The following CPHXL2 variants were observed in gnomAD, a reference collection of about 807,000 sequenced individuals.
The protein encoded by CPHXL2 is cytoplasmic polyadenylated homeobox-like protein 2.
the CPHXL2 span, among the ~76,000 whole-genome samples, chr16:75,663,427 C>T: frequency 1.1e-4 from 16 of 152,126 alleles, no homozygotes; most frequent in Non-Finnish European, 2.2e-4. Flanking sequence ...AATTCTAAGG[C>T]CCCCTAACCA....
chr16:75,665,098 G>T, the CPHXL2 span, among the ~76,000 whole-genome samples: 3 of 152,178 alleles, frequency 2.0e-5, no homozygotes, highest in African/African-American at 7.2e-5. Context: ...ACCAAAAAAA[G>T]CAAGTGCCTG....
At chr16:75,664,306 C>T in the CPHXL2 span, among the ~76,000 whole-genome samples, 1 of 152,308 alleles carries the variant, frequency 6.6e-6, no homozygotes, top group East Asian at 1.9e-4. Context: ...TGATTAAGAT[C>T]TGTCTCAGAT....
chr16:75,670,598 T>A, the CPHXL2 span, among the ~76,000 whole-genome samples: 547 of 152,288 alleles, frequency 3.6e-3, 2 homozygotes, highest in African/African-American at 0.012. Flanking sequence ...AACGTCCACC[T>A]CCTGGGTTCA....
At chr16:75,670,139 C>G in the CPHXL2 span, among the ~76,000 whole-genome samples, 20 of 152,296 alleles carry the variant, frequency 1.3e-4, no homozygotes, top group African/African-American at 4.3e-4. Context: ...TGGTCTTGAA[C>G]TCCTGACCTT....
the CPHXL2 span, among the ~76,000 whole-genome samples, chr16:75,662,421 G>T: frequency 1.3e-5 from 2 of 149,292 alleles, no homozygotes; most frequent in Admixed American, 6.8e-5. Flanking sequence ...TTAACCATCA[G>T]CGCCTTCCCC....
At chr16:75,667,012 T>TA in the CPHXL2 span, among the ~76,000 whole-genome samples, 66 of 140,734 alleles carry the variant, frequency 4.7e-4, no homozygotes, top group African/African-American at 6.6e-4. Flanking sequence ...AGATGGAAGT[T>TA]AAAAAATTCT....
the CPHXL2 span, among the ~76,000 whole-genome samples, chr16:75,671,934 G>C: frequency 6.6e-6 from 1 of 151,974 alleles, no homozygotes; most frequent in African/African-American, 2.4e-5. Context: ...CAAAGATGTG[G>C]CTAGAATGGG....
At chr16:75,676,399 T>A in the CPHXL2 span, among the ~76,000 whole-genome samples, 1 of 152,192 alleles carries the variant, frequency 6.6e-6, no homozygotes, top group African/African-American at 2.4e-5. Flanking sequence ...TCATAGCTTA[T>A]GGCAGTTTCT....
chr16:75,666,348 G>C, the CPHXL2 span, among the ~76,000 whole-genome samples: 1 of 152,080 alleles, frequency 6.6e-6, no homozygotes, highest in African/African-American at 2.4e-5. Context: ...ATGGCTGGGC[G>C]TGGTGGCTCA....
chr16:75,672,206 G>A, the CPHXL2 span, among the ~76,000 whole-genome samples: 3 of 151,760 alleles, frequency 2.0e-5, no homozygotes, highest in Non-Finnish European at 4.4e-5. Flanking sequence ...TTGAAACTGG[G>A]AGGCGGAGAT....
chr16:75,663,953 A>ATTCT, the CPHXL2 span, among the ~76,000 whole-genome samples: 22,828 of 151,138 alleles, frequency 0.15, 3,381 homozygotes, highest in African/African-American at 0.39. Flanking sequence ...TTTACAGTCT[A>ATTCT]TTCTGAAATC....
chr16:75,667,798 A>T, the CPHXL2 span, among the ~76,000 whole-genome samples: 1 of 152,232 alleles, frequency 6.6e-6, no homozygotes, highest in Non-Finnish European at 1.5e-5. Context: ...CATGTGAAAC[A>T]TGTGTCCAAA....
At chr16:75,660,387 AG>A in the CPHXL2 span, 2 of 398,624 alleles carry the variant, frequency 5.0e-6, no homozygotes, top group African/African-American at 4.1e-5. Flanking sequence ...CAGAGGCAGC[AG>A]GGGTGAGTTG....
the CPHXL2 span, among the ~76,000 whole-genome samples, chr16:75,666,309 G>A: frequency 6.6e-6 from 1 of 152,200 alleles, no homozygotes; most frequent in South Asian, 2.1e-4. Flanking sequence ...TAAGAAATGG[G>A]ATAGACAGCA....
At chr16:75,675,320 C>T in the CPHXL2 span, among the ~76,000 whole-genome samples, 2 of 151,298 alleles carry the variant, frequency 1.3e-5, no homozygotes, top group African/African-American at 4.8e-5. Flanking sequence ...GTGCCCAGTA[C>T]ATTGATATTA....
chr16:75,674,507 T>G, the CPHXL2 span, among the ~76,000 whole-genome samples: 1 of 152,094 alleles, frequency 6.6e-6, no homozygotes, highest in South Asian at 2.1e-4. Context: ...CTAATATAAT[T>G]ATGTTCAAGT....
chr16:75,668,506 C>T, the CPHXL2 span, among the ~76,000 whole-genome samples: 13 of 152,068 alleles, frequency 8.5e-5, no homozygotes, highest in African/African-American at 2.9e-4. Flanking sequence ...GGATTACAGG[C>T]GTAAGCCACC....
chr16:75,668,194 TAA>T, the CPHXL2 span, among the ~76,000 whole-genome samples: 2 of 151,128 alleles, frequency 1.3e-5, no homozygotes, highest in Non-Finnish European at 2.9e-5. Flanking sequence ...ATATACTGCT[TAA>T]TTCTCTCTCT....
the CPHXL2 span, among the ~76,000 whole-genome samples, chr16:75,672,270 C>T: frequency 6.7e-6 from 1 of 149,016 alleles, no homozygotes; most frequent in Non-Finnish European, 1.5e-5. Context: ...CAGAGTGAGA[C>T]TCCATCTCAA....
Sources: allele counts gnomAD v4.1 joint callset (sites outside exome capture counted in the v4.1 genomes callset), GRCh38; gene constraint gnomAD v4.1.1; transcripts MANE v1.5; gene names NCBI Gene and HGNC (gene_info 2026-07-23, HGNC 2026-07-21).